The following TSC22D1 variants were observed in gnomAD, a reference collection of about 807,000 sequenced individuals.
The protein encoded by TSC22D1 is TSC22 domain family member 1.
In TSC22D1, 9 loss-of-function variants were observed where a neutral mutation model predicts 74.2. That is an observed-to-expected ratio of 0.12 (90% confidence interval 0.07 to 0.21). TSC22D1 has a LOEUF of 0.21. Ranked by LOEUF, TSC22D1 falls within the 10% of genes least tolerant of loss-of-function variation. The pLI, the probability that TSC22D1 is intolerant of heterozygous loss-of-function variation, is 1.00. For missense variants in TSC22D1, 1,427 were observed against 1,304.7 expected, an observed-to-expected ratio of 1.09 and a Z score of -1.44; for synonymous variants, 586 against 492.5, an observed-to-expected ratio of 1.19 and a Z score of -2.51.
intron 1 of TSC22D1, among the ~76,000 whole-genome samples, chr13:44,568,906 T>G (rs1050415320): frequency 1.3e-5 from 2 of 152,010 alleles, no homozygotes; most frequent in South Asian, 4.2e-4. Flanking sequence ...CTGTACAGGA[T>G]AGGAAAAGTA....
At chr13:44,447,418 G>C (rs1415948358) in intron 1 of TSC22D1, among the ~76,000 whole-genome samples, 1 of 151,972 alleles carries the variant, frequency 6.6e-6, no homozygotes, top group Admixed American at 6.5e-5. Context: ...ATAACTAATT[G>C]TTCTATCATT....
rs111246428 is a variant in TSC22D1, at chr13:44,561,293, G to T, written c.2912+11870C>A. Reference sequence around the variant, plus strand: ...TCCATTTCTACCACTGAGGAAAAAGGAATTATTGAGTTTCTCATACTCAAT... The same window carrying T: ...TCCATTTCTACCACTGAGGAAAAAGTAATTATTGAGTTTCTCATACTCAAT... On this transcript the variant is annotated intron_variant, in intron 1 of 2. Transcript: ENST00000458659. Among the ~76,000 whole-genome samples, 46 of 152,212 alleles carry T rather than the reference G, an allele frequency of 3.0e-4. 1 individual carries two copies. The highest frequency in any genetic ancestry group is 1.1e-3 in the African/African-American group (46 of 41,534).
chr13:44,476,104 T>C (rs1268345949), intron 1 of TSC22D1, among the ~76,000 whole-genome samples: 1 of 152,220 alleles, frequency 6.6e-6, no homozygotes, highest in Non-Finnish European at 1.5e-5. Flanking sequence ...CTACATGGAT[T>C]ATAATTAATA....
chr13:44,509,951 A>AAAAAAAAAAAAAAAAAAAAAG (rs1879626951), intron 1 of TSC22D1, among the ~76,000 whole-genome samples: 2 of 37,750 alleles, frequency 5.3e-5, no homozygotes, highest in African/African-American at 1.4e-4. Context: ...GAAAATAAGC[A>AAAAAAAAAAAAAAAAAAAAAG]AAAAAAAAAA....
At chr13:44,524,550 T>TTG (rs1880461827) in intron 1 of TSC22D1, among the ~76,000 whole-genome samples, 1 of 151,966 alleles carries the variant, frequency 6.6e-6, no homozygotes, top group African/African-American at 2.4e-5. Context: ...ATGATTTTTT[T>TTG]TGTTTGTTTG....
In TSC22D1 at chr13:44,452,024, T is replaced by C. The variant is rs528113748; in HGVS notation, c.2913-15929A>G. ...AAAGCAGGCAGGGGACAGATATAGA[T>C]GGAAACAATCCAGGTCCTCTCATGT... On this transcript the variant is annotated intron_variant, in intron 1 of 2. Transcript: ENST00000458659. Among the ~76,000 whole-genome samples, 4 of 152,238 alleles carry C rather than the reference T, an allele frequency of 2.6e-5. No individual in the cohort carries two copies. The South Asian group carries it at 8.3e-4, about 32-fold the overall frequency.
intron 1 of TSC22D1, among the ~76,000 whole-genome samples, chr13:44,479,646 A>C (rs1054562139): frequency 6.6e-6 from 1 of 152,226 alleles, no homozygotes; most frequent in African/African-American, 2.4e-5. Flanking sequence ...ATTCTCAAGA[A>C]GAGATAGCTT....
At chr13:44,500,137 G>T (rs1334345292) in intron 1 of TSC22D1, among the ~76,000 whole-genome samples, 3 of 151,174 alleles carry the variant, frequency 2.0e-5, no homozygotes, top group African/African-American at 7.3e-5. Flanking sequence ...AAAGCTCACG[G>T]CTAACTTACG....
intron 1 of TSC22D1, among the ~76,000 whole-genome samples, chr13:44,532,599 G>C (rs907466866): frequency 2.0e-5 from 3 of 152,058 alleles, no homozygotes; most frequent in Non-Finnish European, 4.4e-5. Flanking sequence ...TCAGCCTCCC[G>C]AGTAGCTGGG....
intron 1 of TSC22D1, among the ~76,000 whole-genome samples, chr13:44,457,757 G>A (rs923821409): frequency 2.6e-5 from 4 of 152,044 alleles, no homozygotes; most frequent in Admixed American, 2.6e-4. Context: ...AGCAGTGGCT[G>A]GTTTAGTAGT....
chr13:44,574,957 G>C lies in TSC22D1; in HGVS notation c.1118C>G (p.Ser373Cys). The C allele has an allele frequency of 6.2e-7, 1 of 1,614,062 alleles. No homozygotes were observed. Among genetic ancestry groups the C allele is most frequent in the Non-Finnish European group, 8.5e-7 (1 of 1,180,014 alleles). ...ILSGMGNGTI[S>C]SSAAVSSVPN... ...AACACTGCTAACAGCAGCAGAGGAA[G>C]AAATAGTACCATTGCCCATGCCACT... The change falls in exon 1 of 3, where the codon TCT becomes TGT. Residue 373 changes from serine to cysteine, a missense_variant. Around this residue, in one of 3 missense-constraint regions of TSC22D1, gnomAD observed 1,343 missense variants for 1,191.5 expected, o/e 1.13. Transcript: ENST00000458659.
chr13:44,510,400 A>C lies in TSC22D1; in HGVS notation c.2912+62763T>G, dbSNP rs561264261. Reference sequence around the variant, plus strand: ...AGAGTGAAACTCCGTCTCAAAAAAAAAACAAAAAATGTTCATACTCTTCGG... The same window carrying C: ...AGAGTGAAACTCCGTCTCAAAAAAACAACAAAAAATGTTCATACTCTTCGG... On this transcript the variant is annotated intron_variant, in intron 1 of 2. Coordinates refer to ENST00000458659, the MANE Select transcript of TSC22D1 (RefSeq NM_183422.4). 2.9e-4 allele frequency among the ~76,000 whole-genome samples: 44 copies of C among 152,280 alleles called. 1 individual carries two copies. In the South Asian group the frequency reaches 8.9e-3, roughly 31 times the overall value.
intron 1 of TSC22D1, among the ~76,000 whole-genome samples, chr13:44,497,279 G>T (rs1054885290): frequency 6.6e-6 from 1 of 152,166 alleles, no homozygotes. Context: ...CTAAGTGAAA[G>T]AGGCCACATA....
At chr13:44,531,768 T>C (rs1350112069) in intron 1 of TSC22D1, among the ~76,000 whole-genome samples, 1 of 152,210 alleles carries the variant, frequency 6.6e-6, no homozygotes, top group Non-Finnish European at 1.5e-5. Context: ...TAAATGGTAA[T>C]TAAAAGCACT....
intron 1 of TSC22D1, among the ~76,000 whole-genome samples, chr13:44,522,595 G>C (rs763206630): frequency 2.0e-5 from 3 of 152,284 alleles, no homozygotes; most frequent in Middle Eastern, 3.4e-3. Context: ...ATTCAGTGGA[G>C]AAGGAAGAGT....
chr13:44,441,915 A>G (rs994515227), intron 1 of TSC22D1, among the ~76,000 whole-genome samples: 8 of 152,186 alleles, frequency 5.3e-5, no homozygotes, highest in African/African-American at 1.4e-4. Context: ...AGAACCACCC[A>G]AAAGAAGCAA....
chr13:44,576,654 G>A (rs1359210262), upstream of TSC22D1: 1 of 152,224 alleles, frequency 6.6e-6, no homozygotes, highest in African/African-American at 2.4e-5. Context: ...GCGCCCCGCA[G>A]ACCCTTTCAA....
chr13:44,573,007 A>T (rs375954920), intron 1 of TSC22D1, among the ~76,000 whole-genome samples, 156 bp downstream of exon 1: 1 of 152,226 alleles, frequency 6.6e-6, no homozygotes, highest in Non-Finnish European at 1.5e-5. Flanking sequence ...AAACCATTCC[A>T]TAACTCTTGC....
chr13:44,502,031 T>G (rs1879244052), intron 1 of TSC22D1, among the ~76,000 whole-genome samples: 1 of 152,358 alleles, frequency 6.6e-6, no homozygotes, highest in East Asian at 1.9e-4. Context: ...ATTCACCATC[T>G]CTTTCTCATT....
Sources: gnomAD v4.1 joint callset for allele counts (sites outside exome capture counted in the v4.1 genomes callset) on GRCh38, gnomAD v4.1.1 for gene constraint, gnomAD v4.1.1 regional missense constraint, MANE v1.5 for transcripts, NCBI Gene and HGNC (gene_info 2026-07-23, HGNC 2026-07-21) for gene names.